SPEF2: variants seen among roughly 807,000 people sequenced by gnomAD.
SPEF2 encodes sperm flagellar and cilia associated 2.
SPEF2 carries 187 observed loss-of-function variants against 224.6 expected under a neutral mutation model. The observed-to-expected ratio is 0.83, with a 90% CI of 0.74 to 0.94. The LOEUF (loss-of-function observed/expected upper bound fraction) is 0.94, where lower values mean the gene tolerates loss of function less well. Ranked by LOEUF, SPEF2 falls within the 40% of genes least tolerant of loss-of-function variation. SPEF2 has a pLI of 0.00. For synonymous variants in SPEF2, 715 were observed against 707.3 expected (o/e 1.01, Z -0.17); for missense variants, 2,170 against 2,135.6 (o/e 1.02, Z -0.32).
Position 35,641,611 on chromosome 5 carries a change from A to G in SPEF2, c.342A>G (p.Gly114=). ...AAAAGAAGAAAAGTGGACTGACTGG[A>G]GTGGAGATGCAAACCATGCAACGTC... ...LQKKKKSGLT[G]VEMQTMQRLT... is the part of the protein sequence containing the mutation. Residue 114 remains glycine, a synonymous_variant, in exon 3 of 37, where the codon GGA becomes GGG. Coordinates refer to ENST00000356031, the MANE Select transcript of SPEF2 (RefSeq NM_024867.4). 6.2e-7 allele frequency: 1 copy of G among 1,613,790 alleles called. No individual in the cohort carries two copies. The highest frequency in any genetic ancestry group is 8.5e-7 in the Non-Finnish European group (1 of 1,179,784).
intron 23 of SPEF2, among the ~76,000 whole-genome samples, chr5:35,742,255 T>C (rs775448909): frequency 6.6e-6 from 1 of 152,158 alleles, no homozygotes; most frequent in African/African-American, 2.4e-5. Flanking sequence ...AGCACCAACA[T>C]TTTATTACAG....
At chr5:35,760,307 G>A (rs911720161) in intron 25 of SPEF2, among the ~76,000 whole-genome samples, 2 of 151,220 alleles carry the variant, frequency 1.3e-5, no homozygotes, top group African/African-American at 4.9e-5. Flanking sequence ...AGCTTGCAGC[G>A]AGCCAAGATC....
At position 35,807,188 on chromosome 5, in the gene SPEF2, G is replaced by A. The variant is rs142924757; in HGVS notation, c.5314G>A (p.Ala1772Thr). 75 of 1,613,816 alleles carry A rather than the reference G, an allele frequency of 4.6e-5. No individual in the cohort carries two copies. The highest frequency in any genetic ancestry group is 4.1e-4 in the African/African-American group (31 of 74,980). Residue 1772 changes from alanine to threonine, a missense_variant, in exon 36 of 37, where the codon GCT (alanine) becomes ACT (threonine). Coordinates refer to ENST00000356031, the MANE Select transcript of SPEF2 (RefSeq NM_024867.4). ...GAKNLEPIEVAVLLKHPFIQD... is the reference protein window; with the variant it reads ...GAKNLEPIEVTVLLKHPFIQD... ...CAAGAACCTGGAGCCAATTGAAGTCGCTGTTCTCTTGAAGCATCCTTTTAT... is the reference window on the plus strand; with the variant it reads ...CAAGAACCTGGAGCCAATTGAAGTCACTGTTCTCTTGAAGCATCCTTTTAT...
chr5:35,690,477 AT>A (rs1394664642), intron 10 of SPEF2, among the ~76,000 whole-genome samples: 2 of 152,148 alleles, frequency 1.3e-5, no homozygotes, highest in South Asian at 2.1e-4. Context: ...TTAAATACTT[AT>A]TTTTTTCTAT....
At chr5:35,727,516 G>A (rs553188451) in intron 20 of SPEF2, among the ~76,000 whole-genome samples, 159 bp from the exon 21 acceptor site, 2 of 152,144 alleles carry the variant, frequency 1.3e-5, no homozygotes, top group African/African-American at 2.4e-5. Context: ...TAATTTGGGG[G>A]CTGTGGAGAA....
At position 35,792,357 on chromosome 5, in the gene SPEF2, G is replaced by A. The variant is rs764206479; in HGVS notation, c.4465G>A (p.Ala1489Thr). 4 of 1,613,436 alleles carry A rather than the reference G, an allele frequency of 2.5e-6. No homozygotes were observed. Among genetic ancestry groups the A allele is most frequent in the Non-Finnish European group, 3.4e-6 (4 of 1,179,652 alleles). Residue 1489 changes from alanine to threonine, a missense_variant, in exon 31 of 37, where the codon GCA becomes ACA. Ala to Thr is a moderately conservative substitution (Grantham distance 58). Transcript: ENST00000356031. ...TATTATAGGCATAATAGGAAATAAA[G>A]CATTTACTGACATTCTGATCGATTT... ...MAPKGIIGNKAFTDILIDLVT... is the reference protein window; with the variant it reads ...MAPKGIIGNKTFTDILIDLVT...
chr5:35,628,330 G>T, intron 1 of SPEF2, 130 bp from the exon 2 acceptor site: 1 of 488,672 alleles, frequency 2.0e-6, no homozygotes. Context: ...GATGTTTCTA[G>T]AAATATATTC....
chr5:35,781,419 T>C (rs1754322081), intron 30 of SPEF2: 1 of 152,182 alleles, frequency 6.6e-6, no homozygotes, highest in Non-Finnish European at 1.5e-5. Flanking sequence ...CTACAGAGAA[T>C]GTTTACAGTT....
chr5:35,720,830 G>A (rs1260088212), intron 20 of SPEF2, among the ~76,000 whole-genome samples: 1 of 152,044 alleles, frequency 6.6e-6, no homozygotes, highest in Non-Finnish European at 1.5e-5. Flanking sequence ...ACACTTCAGG[G>A]GCCCTCTGAA....
chr5:35,785,728 C>CT (rs200122881), intron 30 of SPEF2, among the ~76,000 whole-genome samples: 2,732 of 141,456 alleles, frequency 0.019, 59 homozygotes, highest in African/African-American at 0.051. Flanking sequence ...CTTCTCTTTT[C>CT]TTTTTTTTTT....
intron 21 of SPEF2, among the ~76,000 whole-genome samples, chr5:35,735,858 A>T (rs1194553980): frequency 6.6e-6 from 1 of 152,256 alleles, no homozygotes; most frequent in African/African-American, 2.4e-5. Flanking sequence ...ATAACTCATC[A>T]TCACACTGAT....
At chr5:35,714,569 T>G (rs925695470) in intron 20 of SPEF2, among the ~76,000 whole-genome samples, 1 of 151,970 alleles carries the variant, frequency 6.6e-6, no homozygotes, top group Non-Finnish European at 1.5e-5. Context: ...TATTTGGTAT[T>G]TACTTTGTAT....
chr5:35,766,002 T>C lies in SPEF2; in HGVS notation c.3801+2300T>C, dbSNP rs544858878. Among the ~76,000 whole-genome samples the C allele has an allele frequency of 2.0e-5, 3 of 152,278 alleles. No homozygotes were observed. The South Asian group carries it at 6.2e-4, about 32-fold the overall frequency. On this transcript the variant is annotated intron_variant, in intron 26 of 36. Coordinates refer to ENST00000356031, the MANE Select transcript of SPEF2 (RefSeq NM_024867.4). The stretch of plus-strand genomic sequence containing the variant: ...CCAACATTTTAATGAGACGTCATCT[T>C]TCTTAAATATTACTGGGTTTGTTTT...
intron 34 of SPEF2, among the ~76,000 whole-genome samples, chr5:35,802,533 AAG>A (rs1326850918): frequency 2.0e-5 from 3 of 152,170 alleles, no homozygotes; most frequent in Non-Finnish European, 2.9e-5. Context: ...GGAAAAAAAA[AAG>A]AATGCAGGGG....
chr5:35,644,179 A>T (rs1444231593), intron 3 of SPEF2, among the ~76,000 whole-genome samples, 176 bp from the exon 4 acceptor site: 1 of 152,162 alleles, frequency 6.6e-6, no homozygotes, highest in Non-Finnish European at 1.5e-5. Flanking sequence ...TGTTTTTATA[A>T]TTGTGCTTAC....
intron 26 of SPEF2, 92 bp downstream of exon 26, chr5:35,763,794 G>A (rs1230599099): frequency 6.8e-6 from 8 of 1,177,740 alleles, no homozygotes; most frequent in East Asian, 5.0e-5. Flanking sequence ...TTGACACAAT[G>A]CTCTCAAGCA....
At chr5:35,618,148 A>G (rs960147992) in intron 1 of SPEF2, 93 bp downstream of exon 1, 1 of 1,413,300 alleles carries the variant, frequency 7.1e-7, no homozygotes, top group Non-Finnish European at 9.8e-7. Flanking sequence ...GGTGGCGGGC[A>G]GGGCGCGAGC....
chr5:35,625,597 C>T (rs116013861), intron 1 of SPEF2, among the ~76,000 whole-genome samples: 290 of 152,200 alleles, frequency 1.9e-3, no homozygotes, highest in Non-Finnish European at 3.0e-3. Flanking sequence ...ACCCTGATGG[C>T]GTAGGAATAG....
chr5:35,661,585 C>T (rs1749757121), intron 8 of SPEF2, among the ~76,000 whole-genome samples: 1 of 151,838 alleles, frequency 6.6e-6, no homozygotes, highest in African/African-American at 2.4e-5. Flanking sequence ...CCACCCTCCA[C>T]CCTCTGAAAG....
Sources: allele counts gnomAD v4.1 joint callset (sites outside exome capture counted in the v4.1 genomes callset), GRCh38; gene constraint gnomAD v4.1.1; transcripts MANE v1.5; gene names NCBI Gene and HGNC (gene_info 2026-07-23, HGNC 2026-07-21).